Variants in CELF2 observed in about 807,000 individuals in gnomAD.
CELF2 encodes CUGBP Elav-like family member 2.
A neutral mutation model predicts 62.6 loss-of-function variants in CELF2; 8 were observed. That is an observed-to-expected ratio of 0.13 (90% CI 0.07 to 0.23). The LOEUF (loss-of-function observed/expected upper bound fraction) is 0.23. CELF2 is among the 10% of genes least tolerant of loss of function. CELF2 has a pLI of 1.00. For synonymous variants in CELF2, 258 were observed against 250.0 expected, an observed-to-expected ratio of 1.03 and a Z score of -0.30; for missense variants, 333 against 671.0, an observed-to-expected ratio of 0.50 and a Z score of 5.56.
At chr10:11,204,168 A>G (rs2059899329) in intron 2 of CELF2, among the ~76,000 whole-genome samples, 1 of 152,240 alleles carries the variant, frequency 6.6e-6, no homozygotes, top group Non-Finnish European at 1.5e-5. Context: ...TACTGCCCCT[A>G]AAATTGTACA....
chr10:11,175,856 G>A (rs2070881014), intron 2 of CELF2, among the ~76,000 whole-genome samples: 1 of 152,176 alleles, frequency 6.6e-6, no homozygotes, highest in Admixed American at 6.5e-5. Flanking sequence ...CATTCTCAGT[G>A]CTGAGAACAT....
At chr10:10,478,498 GA>G in the CELF2 span, among the ~76,000 whole-genome samples, 1 of 151,824 alleles carries the variant, frequency 6.6e-6, no homozygotes, top group African/African-American at 2.4e-5. Flanking sequence ...TTGTTTTGGA[GA>G]AAAAAAATCA....
the CELF2 span, among the ~76,000 whole-genome samples, chr10:10,510,474 T>C: frequency 6.6e-6 from 1 of 152,240 alleles, no homozygotes; most frequent in Non-Finnish European, 1.5e-5. Flanking sequence ...TTTGCGTTTA[T>C]CTTCATCTTG....
chr10:10,575,136 A>G, the CELF2 span, among the ~76,000 whole-genome samples: 1 of 152,204 alleles, frequency 6.6e-6, no homozygotes, highest in African/African-American at 2.4e-5. Flanking sequence ...AATAATAAAT[A>G]TAAGCACAAT....
chr10:10,682,421 C>T, the CELF2 span, among the ~76,000 whole-genome samples: 2 of 152,246 alleles, frequency 1.3e-5, no homozygotes, highest in South Asian at 4.2e-4. Context: ...AATTGGAGGA[C>T]TGTGCTTCAT....
chr10:10,521,252 A>G, the CELF2 span, among the ~76,000 whole-genome samples: 1 of 152,196 alleles, frequency 6.6e-6, no homozygotes, highest in African/African-American at 2.4e-5. Context: ...GTTACCGCAG[A>G]TCAACAAGGG....
At chr10:10,956,976 G>A (rs1210255559) in intron 2 of CELF2, among the ~76,000 whole-genome samples, 1 of 151,926 alleles carries the variant, frequency 6.6e-6, no homozygotes, top group Non-Finnish European at 1.5e-5. Context: ...CTCAAAGTGG[G>A]TTGCCCTTGA....
Position 11,244,509 on chromosome 10 carries a change from G to T in CELF2, c.355-4644G>T, listed in dbSNP as rs2075011703. 6.6e-6 allele frequency among the ~76,000 whole-genome samples: 1 copy of T among 152,084 alleles called. No individual in the cohort carries two copies. The highest frequency in any genetic ancestry group is 1.5e-5 in the Non-Finnish European group (1 of 68,018). Reference sequence around the variant, plus strand: ...TCTGCTAAAAATACAAAGAAAATTAGTTGGGCGTGGTGGCGGGCGCCTGTA... The same window carrying T: ...TCTGCTAAAAATACAAAGAAAATTATTTGGGCGTGGTGGCGGGCGCCTGTA... On this transcript the variant is annotated intron_variant, in intron 3 of 12. Transcript: ENST00000633077. The surrounding 1 kb of genome is among the most constrained non-coding windows in gnomAD (Gnocchi z 4.2).
the CELF2 span, among the ~76,000 whole-genome samples, chr10:10,543,241 C>T: frequency 6.6e-6 from 1 of 152,124 alleles, no homozygotes; most frequent in East Asian, 1.9e-4. Flanking sequence ...CCAGAGTAAA[C>T]TTCAAAGACT....
chr10:10,819,529 T>A (rs1351877720), intron 1 of CELF2, among the ~76,000 whole-genome samples: 1 of 152,182 alleles, frequency 6.6e-6, no homozygotes, highest in Admixed American at 6.5e-5. Flanking sequence ...ATTAACGTTG[T>A]TGACTCACCC....
the CELF2 span, among the ~76,000 whole-genome samples, chr10:10,719,888 A>G: frequency 2.0e-4 from 30 of 152,384 alleles, no homozygotes; most frequent in Non-Finnish European, 1.8e-4. Context: ...AGAGCAATTC[A>G]TAACCTAGTC....
In CELF2 at chr10:11,295,633, G is replaced by T. The variant is rs1380239593; in HGVS notation, c.976+7081G>T. ...AGTGGCCAAACCAGAAAGCGAGAGGGTTTAGCCCTTGGCCCTGCTGCTCGG... is the reference window on the plus strand; with the variant it reads ...AGTGGCCAAACCAGAAAGCGAGAGGTTTTAGCCCTTGGCCCTGCTGCTCGG... On this transcript the variant is annotated intron_variant, in intron 9 of 12. Coordinates refer to ENST00000633077, the MANE Select transcript of CELF2 (RefSeq NM_001326342.2). 2.6e-5 allele frequency among the ~76,000 whole-genome samples: 4 copies of T among 152,194 alleles called. 1 individual carries two copies. The highest frequency in any genetic ancestry group is 5.9e-5 in the Non-Finnish European group (4 of 68,034).
the CELF2 span, among the ~76,000 whole-genome samples, chr10:10,736,211 T>C: frequency 1.6e-4 from 25 of 152,194 alleles, no homozygotes; most frequent in African/African-American, 6.0e-4. Context: ...ATGTCTTTTG[T>C]TATTGTCTTA....
At chr10:10,851,723 T>A (rs2059395021) in intron 1 of CELF2, among the ~76,000 whole-genome samples, 1 of 152,186 alleles carries the variant, frequency 6.6e-6, no homozygotes, top group African/African-American at 2.4e-5. Context: ...GTATCCAGAA[T>A]ACGTACAAGG....
At chr10:10,719,009 A>G in the CELF2 span, among the ~76,000 whole-genome samples, 1 of 134,980 alleles carries the variant, frequency 7.4e-6, no homozygotes, top group Non-Finnish European at 1.6e-5. Flanking sequence ...TTTTTTTGAC[A>G]GAGTCTCACT....
At chr10:10,655,396 A>G in the CELF2 span, among the ~76,000 whole-genome samples, 2 of 121,618 alleles carry the variant, frequency 1.6e-5, no homozygotes, top group Non-Finnish European at 3.6e-5. Context: ...GGAACCAAAA[A>G]AGATCCCGCA....
intron 3 of CELF2, among the ~76,000 whole-genome samples, chr10:11,245,540 C>G (rs2075339634): frequency 6.6e-6 from 1 of 152,194 alleles, no homozygotes; most frequent in Admixed American, 6.5e-5. Context: ...GATTTTTCCC[C>G]TGCTGAGCCC....
chr10:11,317,722 G>A (rs2095129884), intron 10 of CELF2: 1 of 152,252 alleles, frequency 6.6e-6, no homozygotes, highest in Non-Finnish European at 1.5e-5. Flanking sequence ...TCTGTGTCAT[G>A]TTAACAGATT....
chr10:11,025,986 TG>T (rs1380943025), intron 1 of CELF2, among the ~76,000 whole-genome samples: 3 of 152,218 alleles, frequency 2.0e-5, no homozygotes, highest in African/African-American at 4.8e-5. Context: ...GCTGAGTCCT[TG>T]GATCTGGGGG....
Sources: allele counts gnomAD v4.1 joint callset (sites outside exome capture counted in the v4.1 genomes callset), GRCh38; gene constraint gnomAD v4.1.1; non-coding constraint Gnocchi (gnomAD v3.1); transcripts MANE v1.5; gene names NCBI Gene and HGNC (gene_info 2026-07-23, HGNC 2026-07-21).